The following ETS2 variants were observed in gnomAD, a reference collection of about 807,000 sequenced individuals.
ETS2 encodes protein C-ets-2.
A neutral mutation model predicts 54.9 loss-of-function variants in ETS2; 19 were observed. The observed-to-expected ratio is 0.35, with a 90% confidence interval of 0.24 to 0.51. The LOEUF is 0.51. ETS2 is among the 20% of genes least tolerant of loss of function. The probability of loss-of-function intolerance (pLI) is 0.97; values close to 1 mark genes in which losing one functional copy is unlikely to be tolerated. For synonymous variants in ETS2, 219 were observed against 229.3 expected (o/e 0.95, Z 0.41); for missense variants, 417 against 593.0 (o/e 0.70, Z 3.08).
At chr21:38,817,892 G>A (rs1287485232) in intron 6 of ETS2, among the ~76,000 whole-genome samples, 2 of 152,214 alleles carry the variant, frequency 1.3e-5, no homozygotes, top group African/African-American at 4.8e-5. Flanking sequence ...GAACATGACA[G>A]TGGGACACCC....
At position 38,819,669 on chromosome 21, in the gene ETS2, G is replaced by A; in HGVS notation, c.978G>A (p.Lys326=). 10 of 1,614,132 alleles carry A rather than the reference G, an allele frequency of 6.2e-6. No individual in the cohort carries two copies. Among genetic ancestry groups the A allele is most frequent in the Non-Finnish European group, 8.5e-6 (10 of 1,180,010 alleles). Residue 326 remains lysine, a synonymous_variant, in exon 8 of 10, where the codon AAG becomes AAA. Transcript: ENST00000360938. The part of the protein sequence containing the change: ...DDCSQSLCLN[K]PTMSFKDYIQ... ...GCAGCCAGTCTCTCTGCCTCAATAA[G>A]CCAACCATGTCTTTCAAGGATTACA...
chr21:38,805,999 C>A lies in ETS2; in HGVS notation c.-122C>A. The A allele has an allele frequency of 7.9e-7, 1 of 1,262,742 alleles. No individual in the cohort carries two copies. The highest frequency in any genetic ancestry group is 7.3e-5 in the East Asian group (1 of 13,730). The allele number at this position is 1,262,742 out of a possible 1,614,324, so 78.2% of individuals were successfully genotyped here. On this transcript the variant is annotated 5_prime_UTR_variant, in exon 1 of 10. Coordinates refer to ENST00000360938, the MANE Select transcript of ETS2 (RefSeq NM_005239.6). The surrounding 1 kb of genome is among the most constrained non-coding windows in gnomAD (Gnocchi z 5.2). ...AGAGCTCCCGGAGCCGCCCGGCCAG[C>A]GTCCGGCCTCCCTGATCGTCTCTGG...
At chr21:38,811,096 T>C (rs2060912214) in intron 2 of ETS2, among the ~76,000 whole-genome samples, 2 of 152,064 alleles carry the variant, frequency 1.3e-5, no homozygotes, top group South Asian at 4.1e-4. Context: ...ACGATGCTTA[T>C]GCGGTTTCTG....
chr21:38,805,291 G>GTGATA, upstream of ETS2: 1 of 1,208,724 alleles, frequency 8.3e-7, no homozygotes, highest in South Asian at 1.4e-5. This position sits in a 1 kb window ranked among gnomAD's most constrained non-coding sequence, Gnocchi z 5.2. Flanking sequence ...CGCCTCATTT[G>GTGATA]GAGCCTTTTT....
At position 38,810,074 on chromosome 21, in the gene ETS2, C is replaced by A; in HGVS notation, c.40C>A (p.Pro14Thr). ...AATCAAGAATATGGACCAGGTAGCC[C>A]CTGTGGCTAACAGTTACAGAGGGAC... is the stretch of plus-strand genomic sequence containing the variant. ...FGIKNMDQVA[P>T]VANSYRGTLK... Residue 14 changes from proline to threonine, a missense_variant, in exon 2 of 10, where the codon CCT becomes ACT. By Grantham distance (38) the Pro-to-Thr change is conservative. This residue lies in a region of ETS2 where 326 missense variants were observed against 426.1 expected (regional missense o/e 0.76). Transcript: ENST00000360938. The A allele has an allele frequency of 6.4e-7, 1 of 1,561,798 alleles. No individual in the cohort carries two copies.
At chr21:38,816,955 G>A in intron 5 of ETS2, 53 bp from the exon 6 acceptor site, 2 of 928,110 alleles carry the variant, frequency 2.2e-6, no homozygotes, top group East Asian at 2.4e-5. Context: ...AATTTGTTCT[G>A]TGTAGTTTTC....
chr21:38,814,904 G>A lies in ETS2; in HGVS notation c.428G>A (p.Gly143Asp). Residue 143 changes from glycine to aspartate, a missense_variant, in exon 5 of 10, where the codon GGC becomes GAC. Physicochemically the swap from Gly to Asp is moderately conservative, Grantham distance 94. Around this residue, in one of 3 missense-constraint regions of ETS2, gnomAD observed 326 missense variants for 426.1 expected, o/e 0.76. Transcript: ENST00000360938. The surrounding 1 kb of genome is among the most constrained non-coding windows in gnomAD (Gnocchi z 4.2). ...GMNGQMLCNL[G>D]KERFLELAPD... ...AATGGCCAGATGCTGTGTAACCTTG[G>A]CAAGGAACGCTTTCTGGAGCTGGCA... is the stretch of plus-strand genomic sequence containing the variant. The A allele has an allele frequency of 6.2e-7, 1 of 1,614,214 alleles. No homozygotes were observed. Among genetic ancestry groups the A allele is most frequent in the Non-Finnish European group, 8.5e-7 (1 of 1,180,048 alleles).
rs894545781 is a variant in ETS2, at chr21:38,821,824, G to A, written c.1194+120G>A. ...CCAGTACTGCTGAGAATCTTTCCAC[G>A]TGAGGCATCCTTGGCTGTTGGGAAA... On this transcript the variant is annotated intron_variant, in intron 9 of 9. Coordinates refer to ENST00000360938, the MANE Select transcript of ETS2 (RefSeq NM_005239.6). The surrounding 1 kb of genome is among the most constrained non-coding windows in gnomAD (Gnocchi z 4.2). The A allele has an allele frequency of 2.8e-5, 20 of 712,622 alleles. 1 individual carries two copies. Among genetic ancestry groups the A allele is most frequent in the African/African-American group, 1.8e-4 (10 of 56,920 alleles). The allele number at this position is 712,622 out of a possible 1,614,324, so 44.1% of individuals were successfully genotyped here. A position where few individuals can be genotyped will look rare whatever the true frequency, so the allele number is the denominator to read the frequency against.
rs765105270 is a variant in ETS2 at position 38,821,671 on chromosome 21, C to T, written c.1161C>T (p.Asp387=). ...SCQSFISWTG[D]GWEFKLADPD... is the part of the protein sequence containing the mutation. ...AGTCATTCATCAGCTGGACTGGAGA[C>T]GGATGGGAGTTTAAGCTCGCCGACC... The change falls in exon 9 of 10, where the codon GAC becomes GAT. Residue 387 remains aspartate, a synonymous_variant. Coordinates refer to ENST00000360938, the MANE Select transcript of ETS2 (RefSeq NM_005239.6). This position sits in a 1 kb window ranked among gnomAD's most constrained non-coding sequence, Gnocchi z 4.2. 4.3e-6 allele frequency: 7 copies of T among 1,613,924 alleles called. No individual in the cohort carries two copies. The highest frequency in any genetic ancestry group is 3.3e-5 in the South Asian group (3 of 91,080).
rs568559864 is a variant in ETS2 at position 38,824,757 on chromosome 21, G to A, written c.*1868G>A. ...AATCCTAGGCAGTGGCTCATTGTAT[G>A]TGAGGTTGAACCACGTGAAATTGCC... On this transcript the variant is annotated 3_prime_UTR_variant, in exon 10 of 10. Transcript: ENST00000360938. 1 of 152,732 alleles carries A rather than the reference G, an allele frequency of 6.5e-6. No individual in the cohort carries two copies. The highest frequency in any genetic ancestry group is 1.5e-5 in the Non-Finnish European group (1 of 68,028). The allele number at this position is 152,732 out of a possible 1,614,324, so 9.5% of individuals were successfully genotyped here.
At chr21:38,819,368 C>A (rs968679185) in intron 7 of ETS2, 135 bp from the exon 8 acceptor site, 11 of 715,496 alleles carry the variant, frequency 1.5e-5, no homozygotes, top group South Asian at 8.7e-5. Flanking sequence ...GAGTAGAGAG[C>A]ATTTTGAGAA....
intron 1 of ETS2, among the ~76,000 whole-genome samples, chr21:38,808,518 G>A (rs1054559520): frequency 1.3e-5 from 2 of 151,744 alleles, no homozygotes; most frequent in African/African-American, 4.8e-5. Flanking sequence ...CCTGCACTCC[G>A]AGTGTTTTAA....
chr21:38,811,623 G>C (rs765967143), intron 2 of ETS2, among the ~76,000 whole-genome samples: 3 of 152,224 alleles, frequency 2.0e-5, no homozygotes, highest in Non-Finnish European at 2.9e-5. Context: ...TTTAGGCGAT[G>C]ATGAATCCAG....
intron 5 of ETS2, among the ~76,000 whole-genome samples, chr21:38,815,983 GA>G (rs1277486112): frequency 0.15 from 14 of 92 alleles, no homozygotes; most frequent in African/African-American, 0.2. Flanking sequence ...AGGAAGGAAG[GA>G]AGGAAGGAAG....
In ETS2 at chr21:38,806,931, G is replaced by A. The variant is rs1226462615; in HGVS notation, c.-1+811G>A. On this transcript the variant is annotated intron_variant, in intron 1 of 9. Transcript: ENST00000360938. The surrounding 1 kb of genome is among the most constrained non-coding windows in gnomAD (Gnocchi z 4.3). ...TTCAGGGTAGCCTAAAACAGTAGTT[G>A]ACGCGCTAGTTATTTAGAAAGTAAA... The A allele has an allele frequency of 1.5e-6, 1 of 660,306 alleles. No homozygotes were observed. The highest frequency in any genetic ancestry group is 1.9e-6 in the Non-Finnish European group (1 of 533,292). The allele number at this position is 660,306 out of a possible 1,614,324, so 40.9% of individuals were successfully genotyped here.
rs2060893923 is a variant in ETS2, at chr21:38,806,534, G to A, written c.-1+414G>A. 1.0e-6 allele frequency: 1 copy of A among 985,426 alleles called. No individual in the cohort carries two copies. Among genetic ancestry groups the A allele is most frequent in the Admixed American group, 6.1e-5 (1 of 16,276 alleles). The allele number at this position is 985,426 out of a possible 1,614,324, so 61.0% of individuals were successfully genotyped here. The stretch of plus-strand genomic sequence containing the variant: ...CGAACGGGAGTGGGGGCACAGGAGA[G>A]CGTGTCCGAGGTGGCCTGGCGCCCC... On this transcript the variant is annotated intron_variant, in intron 1 of 9. Transcript: ENST00000360938. The surrounding 1 kb of genome is among the most constrained non-coding windows in gnomAD (Gnocchi z 4.3).
chr21:38,817,201 T>A, intron 6 of ETS2, 110 bp downstream of exon 6: 1 of 678,972 alleles, frequency 1.5e-6, no homozygotes, highest in Admixed American at 2.4e-5. Context: ...GTGTGTCTCT[T>A]ATGGTGGCCA....
chr21:38,814,722 C>A lies in ETS2; in HGVS notation c.305-59C>A. 6.8e-7 allele frequency: 1 copy of A among 1,461,298 alleles called. No homozygotes were observed. The highest frequency in any genetic ancestry group is 1.2e-5 in the South Asian group (1 of 86,496). 90.5% of individuals were successfully genotyped at this position (1,461,298 alleles called of 1,614,324 possible). ...TGCATAAATTAGGGATGACAGTGGT[C>A]TCACTACCTTTCCACTGTTTTTACC... On this transcript the variant is annotated intron_variant, in intron 4 of 9. Coordinates refer to ENST00000360938, the MANE Select transcript of ETS2 (RefSeq NM_005239.6). The surrounding 1 kb of genome is among the most constrained non-coding windows in gnomAD (Gnocchi z 4.2).
chr21:38,814,641 A>G lies in ETS2; in HGVS notation c.305-140A>G. 1.2e-6 allele frequency: 1 copy of G among 814,748 alleles called. No homozygotes were observed. Among genetic ancestry groups the G allele is most frequent in the Non-Finnish European group, 2.0e-6 (1 of 510,066 alleles). 50.5% of individuals were successfully genotyped at this position (814,748 alleles called of 1,614,324 possible). A position where few individuals can be genotyped will look rare whatever the true frequency, so the allele number is the denominator to read the frequency against. ...GTGCCTGGGTCGTGTCAGAATGGTG[A>G]CGTGTCATCATGGTATCTTGCTCAT... On this transcript the variant is annotated intron_variant, in intron 4 of 9. Transcript: ENST00000360938. This position sits in a 1 kb window ranked among gnomAD's most constrained non-coding sequence, Gnocchi z 4.2.
Sources: allele counts gnomAD v4.1 joint callset (sites outside exome capture counted in the v4.1 genomes callset), GRCh38; gene constraint gnomAD v4.1.1; regional missense constraint gnomAD v4.1.1; non-coding constraint Gnocchi (gnomAD v3.1); transcripts MANE v1.5; gene names NCBI Gene and HGNC (gene_info 2026-07-23, HGNC 2026-07-21).